DPP10: variants seen among roughly 807,000 people sequenced by gnomAD.
The protein encoded by DPP10 is dipeptidyl peptidase like 10, also known as inactive dipeptidyl peptidase 10.
DPP10 carries 33 observed loss-of-function variants against 120.9 expected under a neutral mutation model. The ratio of observed to expected loss-of-function variants is 0.27; its 90% CI spans 0.21 to 0.37. The LOEUF (loss-of-function observed/expected upper bound fraction) is 0.37. Among genes scored for constraint, DPP10 ranks in the 10% least tolerant of loss-of-function variants. The probability of loss-of-function intolerance (pLI) is 1.00; values close to 1 mark genes in which losing one functional copy is unlikely to be tolerated. For synonymous variants in DPP10, 337 were observed against 326.1 expected (o/e 1.03, Z -0.36); for missense variants, 816 against 942.8 (o/e 0.87, Z 1.76).
At chr2:115,192,203 C>T (rs1263275728) in intron 1 of DPP10, among the ~76,000 whole-genome samples, 5 of 152,196 alleles carry the variant, frequency 3.3e-5, no homozygotes, top group Non-Finnish European at 7.3e-5. Flanking sequence ...CAAGCAATGT[C>T]TTGACTGCAT....
intron 1 of DPP10, among the ~76,000 whole-genome samples, chr2:114,893,353 G>A (rs2106633868): frequency 6.6e-6 from 1 of 152,286 alleles, no homozygotes; most frequent in African/African-American, 2.4e-5. Flanking sequence ...ATTAAATGTT[G>A]CAGAGATTCA....
At chr2:114,767,465 C>G (rs1371161282) in intron 1 of DPP10, among the ~76,000 whole-genome samples, 2 of 151,574 alleles carry the variant, frequency 1.3e-5, no homozygotes, top group Non-Finnish European at 1.5e-5. Flanking sequence ...TATGAATCCA[C>G]AGATAGGAGT....
rs190427272 is a variant in DPP10, at chr2:115,333,116, G to T, written c.176-10701G>T. Among the ~76,000 whole-genome samples, 202 of 152,186 alleles carry T rather than the reference G, an allele frequency of 1.3e-3. 1 individual carries two copies. The highest frequency in any genetic ancestry group is 4.6e-3 in the African/African-American group (193 of 41,520). On this transcript the variant is annotated intron_variant, in intron 2 of 25. Coordinates refer to ENST00000410059, the MANE Select transcript of DPP10 (RefSeq NM_020868.6). ...ATGAATCTGGGTGCTCGTGTATTGG[G>T]TGCATATATATTTAGGATTGTTAGC...
chr2:115,753,553 G>T (rs912744311), intron 11 of DPP10, among the ~76,000 whole-genome samples: 1 of 152,082 alleles, frequency 6.6e-6, no homozygotes, highest in African/African-American at 2.4e-5. Context: ...ACAGCATGAA[G>T]TATAATCCAA....
Position 114,480,259 on chromosome 2 carries a change from G to C in DPP10, c.60+37421G>C, listed in dbSNP as rs556748038. On this transcript the variant is annotated intron_variant, in intron 1 of 25. Coordinates refer to ENST00000410059, the MANE Select transcript of DPP10 (RefSeq NM_020868.6). ...AGGAACACTTTTACACTGTTAGTGG[G>C]ACTGTAAACTAGTTCAACCCTTGTG... Among the ~76,000 whole-genome samples the C allele has an allele frequency of 4.6e-5, 7 of 151,534 alleles. No individual in the cohort carries two copies. The South Asian group carries it at 1.5e-3, about 32-fold the overall frequency.
chr2:114,730,696 C>T (rs1016102444), intron 1 of DPP10, among the ~76,000 whole-genome samples: 1 of 152,046 alleles, frequency 6.6e-6, no homozygotes, highest in African/African-American at 2.4e-5. Flanking sequence ...TGGATTCAAG[C>T]GATTCTCCTG....
At chr2:114,515,168 G>T (rs1225396583) in intron 1 of DPP10, among the ~76,000 whole-genome samples, 1 of 152,154 alleles carries the variant, frequency 6.6e-6, no homozygotes, top group Non-Finnish European at 1.5e-5. Context: ...TCACGATCAG[G>T]TTTACTTCCC....
chr2:115,759,445 AT>A (rs1240524292), intron 11 of DPP10, among the ~76,000 whole-genome samples: 46 of 151,918 alleles, frequency 3.0e-4, no homozygotes, highest in Non-Finnish European at 5.6e-4. Context: ...TTAGCAAAAT[AT>A]AGATTAAAAT....
chr2:114,887,936 G>C (rs13395909), intron 1 of DPP10, among the ~76,000 whole-genome samples: 4 of 151,856 alleles, frequency 2.6e-5, no homozygotes, highest in Non-Finnish European at 4.4e-5. Flanking sequence ...TCAGGAGATC[G>C]AGACCATCCT....
intron 3 of DPP10, among the ~76,000 whole-genome samples, chr2:115,360,474 G>A (rs753257915): frequency 6.6e-6 from 1 of 152,234 alleles, no homozygotes; most frequent in Admixed American, 6.5e-5. Flanking sequence ...TTCAGACTGC[G>A]TTCCATTAGA....
chr2:115,277,806 G>T (rs375415214), intron 1 of DPP10, among the ~76,000 whole-genome samples: 7 of 152,026 alleles, frequency 4.6e-5, no homozygotes, highest in African/African-American at 1.7e-4. Flanking sequence ...TATAATGTTT[G>T]TGATCATTTT....
At chr2:115,234,609 C>T (rs1010436023) in intron 1 of DPP10, 1 of 152,196 alleles carries the variant, frequency 6.6e-6, no homozygotes, top group Non-Finnish European at 1.5e-5. Context: ...TACGGCGTGC[C>T]ACCTTCTCAC....
intron 1 of DPP10, among the ~76,000 whole-genome samples, chr2:115,279,655 CT>C (rs70941039): frequency 9.6e-4 from 41 of 42,714 alleles, no homozygotes; most frequent in East Asian, 5.7e-3. Flanking sequence ...TTTTCTTCTT[CT>C]TTTTTTTTTT....
At chr2:114,473,478 A>G (rs1244894917) in intron 1 of DPP10, among the ~76,000 whole-genome samples, 1 of 152,206 alleles carries the variant, frequency 6.6e-6, no homozygotes, top group Admixed American at 6.5e-5. Context: ...AATGTTAAAG[A>G]TTTAATTTTT....
intron 1 of DPP10, among the ~76,000 whole-genome samples, chr2:115,176,617 T>C (rs1383371762): frequency 1.3e-5 from 2 of 152,188 alleles, no homozygotes; most frequent in African/African-American, 2.4e-5. Flanking sequence ...ATAAATCATA[T>C]TTGATTCTTT....
chr2:115,640,508 T>G (rs2086696459), intron 5 of DPP10, among the ~76,000 whole-genome samples: 1 of 152,142 alleles, frequency 6.6e-6, no homozygotes, highest in African/African-American at 2.4e-5. Flanking sequence ...TATATGGAAT[T>G]AATTTTACAG....
intron 2 of DPP10, among the ~76,000 whole-genome samples, chr2:115,336,917 A>G (rs1202282483): frequency 6.6e-6 from 1 of 152,078 alleles, no homozygotes; most frequent in Non-Finnish European, 1.5e-5. Flanking sequence ...CTAGGTAAAA[A>G]TAAAGAGAAA....
At chr2:114,702,885 A>G (rs1208423510) in intron 1 of DPP10, among the ~76,000 whole-genome samples, 1 of 152,170 alleles carries the variant, frequency 6.6e-6, no homozygotes, top group African/African-American at 2.4e-5. Context: ...AAGAAGATGG[A>G]GGCTCTTATG....
chr2:114,823,056 A>G (rs1686228478), intron 1 of DPP10, among the ~76,000 whole-genome samples: 1 of 152,162 alleles, frequency 6.6e-6, no homozygotes, highest in Non-Finnish European at 1.5e-5. Context: ...GTTTTCAGGT[A>G]TCTTTACAGC....
Sources: allele counts gnomAD v4.1 joint callset (sites outside exome capture counted in the v4.1 genomes callset), GRCh38; gene constraint gnomAD v4.1.1; transcripts MANE v1.5; gene names NCBI Gene and HGNC (gene_info 2026-07-23, HGNC 2026-07-21).